Variants in RANBP2 observed in about 807,000 individuals in gnomAD.
RANBP2 encodes E3 SUMO-protein ligase RanBP2.
A neutral mutation model predicts 303.6 loss-of-function variants in RANBP2; 57 were observed. That is an observed-to-expected ratio of 0.19 (90% CI 0.15 to 0.23). The LOEUF (loss-of-function observed/expected upper bound fraction) is 0.23, where lower values mean the gene tolerates loss of function less well. RANBP2 is among the 10% of genes least tolerant of loss of function. The pLI is 1.00. For synonymous variants in RANBP2, 1,167 were observed against 1,301.5 expected (o/e 0.90, Z 2.23); for missense variants, 3,138 against 3,780.8 (o/e 0.83, Z 4.46).
chr2:109,372,333 C>T, the RANBP2 span, among the ~76,000 whole-genome samples: 1 of 152,184 alleles, frequency 6.6e-6, no homozygotes, highest in Non-Finnish European at 1.5e-5. Flanking sequence ...TAGCCTGGGG[C>T]TGTGTGTGTA....
chr2:109,193,713 G>A, the RANBP2 span, among the ~76,000 whole-genome samples: 11 of 152,284 alleles, frequency 7.2e-5, no homozygotes, highest in African/African-American at 2.4e-4. Flanking sequence ...TCAGTATGTA[G>A]TATACATTCT....
chr2:108,810,146 C>T, the RANBP2 span, among the ~76,000 whole-genome samples: 1 of 152,252 alleles, frequency 6.6e-6, no homozygotes, highest in South Asian at 2.1e-4. Flanking sequence ...CTTTTTCTTG[C>T]TTAATTACTC....
At chr2:109,430,594 G>A in the RANBP2 span, among the ~76,000 whole-genome samples, 1 of 151,578 alleles carries the variant, frequency 6.6e-6, no homozygotes, top group Non-Finnish European at 1.5e-5. Context: ...CTCCCCTCCA[G>A]CTTCCCTGCA....
the RANBP2 span, among the ~76,000 whole-genome samples, chr2:109,350,216 C>T: frequency 1.3e-5 from 2 of 152,264 alleles, no homozygotes; most frequent in Admixed American, 6.5e-5. Flanking sequence ...TCCATCTGTT[C>T]CCAAGTGGGC....
At chr2:108,986,452 G>T in the RANBP2 span, among the ~76,000 whole-genome samples, 1 of 151,970 alleles carries the variant, frequency 6.6e-6, no homozygotes, top group African/African-American at 2.4e-5. Flanking sequence ...ATCTCCTTGT[G>T]GGGGCAAATG....
At chr2:109,399,399 T>TA in the RANBP2 span, among the ~76,000 whole-genome samples, 2 of 152,210 alleles carry the variant, frequency 1.3e-5, no homozygotes, top group African/African-American at 4.8e-5. Context: ...GTACTTTCGT[T>TA]ACTGTTGTTT....
At chr2:108,750,730 G>A (rs1162501106) in intron 9 of RANBP2, among the ~76,000 whole-genome samples, 1 of 152,102 alleles carries the variant, frequency 6.6e-6, no homozygotes, top group Non-Finnish European at 1.5e-5. Context: ...TGGGACTATA[G>A]GCACGTGACA....
the RANBP2 span, among the ~76,000 whole-genome samples, chr2:109,031,419 C>G: frequency 6.6e-6 from 1 of 152,104 alleles, no homozygotes; most frequent in Non-Finnish European, 1.5e-5. Context: ...GTTCCCCTTA[C>G]GACGGAATCA....
the RANBP2 span, among the ~76,000 whole-genome samples, chr2:109,287,992 G>C: frequency 6.6e-6 from 1 of 152,138 alleles, no homozygotes; most frequent in African/African-American, 2.4e-5. Flanking sequence ...GGCGAAGTGA[G>C]CCCTGGCATG....
At chr2:109,084,567 G>A in the RANBP2 span, among the ~76,000 whole-genome samples, 1 of 152,192 alleles carries the variant, frequency 6.6e-6, no homozygotes, top group African/African-American at 2.4e-5. Context: ...TGCCATCTCT[G>A]TAGGATACTA....
chr2:109,013,979 G>A, the RANBP2 span, among the ~76,000 whole-genome samples: 1 of 152,138 alleles, frequency 6.6e-6, no homozygotes, highest in Non-Finnish European at 1.5e-5. Context: ...CCTCATTCTT[G>A]AGCGACAATG....
chr2:109,243,396 G>A, the RANBP2 span, among the ~76,000 whole-genome samples: 1 of 152,240 alleles, frequency 6.6e-6, no homozygotes, highest in African/African-American at 2.4e-5. Context: ...ATGCTGGAGT[G>A]CCTGTCCTTT....
the RANBP2 span, among the ~76,000 whole-genome samples, chr2:109,229,439 T>C: frequency 6.6e-6 from 1 of 152,212 alleles, no homozygotes; most frequent in Non-Finnish European, 1.5e-5. Context: ...ACAGCTGTCA[T>C]GTCTCCATGG....
chr2:109,497,193 T>C, the RANBP2 span, among the ~76,000 whole-genome samples: 20 of 152,328 alleles, frequency 1.3e-4, no homozygotes, highest in East Asian at 3.9e-3. Flanking sequence ...TGTGTTGATA[T>C]TACAGTTTAG....
the RANBP2 span, among the ~76,000 whole-genome samples, chr2:108,864,785 C>A: frequency 8.2e-6 from 1 of 121,530 alleles, no homozygotes; most frequent in East Asian, 2.5e-4. Flanking sequence ...CAGAGCGAGA[C>A]TCCATCTCAA....
the RANBP2 span, among the ~76,000 whole-genome samples, chr2:108,859,643 C>G: frequency 1.3e-5 from 2 of 152,036 alleles, no homozygotes; most frequent in African/African-American, 4.8e-5. Context: ...TTTCTCTATT[C>G]TGTTCCATTG....
chr2:109,428,139 C>T, the RANBP2 span, among the ~76,000 whole-genome samples: 72 of 152,304 alleles, frequency 4.7e-4, no homozygotes, highest in South Asian at 0.014. Context: ...GCACACGCCT[C>T]CCTAATTCGA....
downstream of RANBP2, among the ~76,000 whole-genome samples, chr2:108,786,345 T>G (rs988051456): frequency 6.7e-6 from 1 of 149,796 alleles, no homozygotes; most frequent in Non-Finnish European, 1.5e-5. Context: ...TGCTCCCGCC[T>G]CAGCCTCCTT....
At chr2:109,432,497 G>A in the RANBP2 span, 29 of 1,612,796 alleles carry the variant, frequency 1.8e-5, no homozygotes, top group South Asian at 5.5e-5. Flanking sequence ...TGCTTTGCCC[G>A]CAGGTACCTG....
Sources: allele counts gnomAD v4.1 joint callset (sites outside exome capture counted in the v4.1 genomes callset), GRCh38; gene constraint gnomAD v4.1.1; transcripts MANE v1.5; gene names NCBI Gene and HGNC (gene_info 2026-07-23, HGNC 2026-07-21).